MED9: variants seen among roughly 807,000 people sequenced by gnomAD.
MED9 encodes mediator complex subunit 9.
MED9 carries 8 observed loss-of-function variants against 13.2 expected under a neutral mutation model. The observed-to-expected ratio is 0.61, with a 90% CI of 0.36 to 1.10. MED9 has a LOEUF of 1.10. Among genes scored for constraint, MED9 ranks in the 50% least tolerant of loss-of-function variants. The probability of loss-of-function intolerance (pLI) is 0.02; values close to 1 mark genes in which losing one functional copy is unlikely to be tolerated. For synonymous variants in MED9, 87 were observed against 82.8 expected (o/e 1.05, Z -0.28); for missense variants, 180 against 193.4 (o/e 0.93, Z 0.41).
At chr17:17,487,172 G>C (rs1193405001) in intron 1 of MED9, 2 of 152,186 alleles carry the variant, frequency 1.3e-5, no homozygotes, top group Non-Finnish European at 2.9e-5. Context: ...GAGAACCTTT[G>C]TATCTAGCTC....
rs1904941167 is a variant in MED9, at chr17:17,477,309, TCTC to T, written c.224+48_224+50del. On this transcript the variant is annotated intron_variant, in intron 1 of 1. Transcript: ENST00000268711. ...ACCAGGCCCCATACTCCCTCCAGCTTCTCCTCTCAGCCGTTTCAGAGCTGCAAG... is the reference window on the plus strand; with the variant it reads ...ACCAGGCCCCATACTCCCTCCAGCTTCTCTCAGCCGTTTCAGAGCTGCAAG... The T allele has an allele frequency of 2.0e-6, 3 of 1,519,710 alleles. No homozygotes were observed. In the Admixed American group the frequency reaches 6.2e-5, roughly 31 times the overall value. The allele number at this position is 1,519,710 out of a possible 1,614,324, so 94.1% of individuals were successfully genotyped here.
chr17:17,492,401 C>G lies in MED9; in HGVS notation c.*906C>G, dbSNP rs757203863. The G allele has an allele frequency of 6.6e-6, 1 of 152,244 alleles. No homozygotes were observed. The highest frequency in any genetic ancestry group is 1.5e-5 in the Non-Finnish European group (1 of 68,050). The allele number at this position is 152,244 out of a possible 1,614,324, so 9.4% of individuals were successfully genotyped here. ...CTTTCCCTCGTGGCCTTTGCACTTG[C>G]GGCAGCAACGTGTACTACACTGCAG... On this transcript the variant is annotated 3_prime_UTR_variant, in exon 2 of 2. Coordinates refer to ENST00000268711, the MANE Select transcript of MED9 (RefSeq NM_018019.3).
chr17:17,491,584 G>A lies in MED9; in HGVS notation c.*89G>A. The A allele has an allele frequency of 2.4e-6, 3 of 1,251,508 alleles. No individual in the cohort carries two copies. Among genetic ancestry groups the A allele is most frequent in the South Asian group, 2.5e-5 (2 of 79,532 alleles). The allele number at this position is 1,251,508 out of a possible 1,614,324, so 77.5% of individuals were successfully genotyped here. A position where few individuals can be genotyped will look rare whatever the true frequency, so the allele number is the denominator to read the frequency against. On this transcript the variant is annotated 3_prime_UTR_variant, in exon 2 of 2. Coordinates refer to ENST00000268711, the MANE Select transcript of MED9 (RefSeq NM_018019.3). ...AAACGCTCCTTGGGGCGTGGTTCCT[G>A]TGGACCCCAGCTCAGCTCGTCAAGC...
At chr17:17,478,531 C>T (rs1041497639) in intron 1 of MED9, among the ~76,000 whole-genome samples, 1 of 152,154 alleles carries the variant, frequency 6.6e-6, no homozygotes, top group African/African-American at 2.4e-5. Context: ...TCACATTAGA[C>T]CCTGGCTTCA....
Position 17,491,573 on chromosome 17 carries a change from G to A in MED9, c.*78G>A. On this transcript the variant is annotated 3_prime_UTR_variant, in exon 2 of 2. Coordinates refer to ENST00000268711, the MANE Select transcript of MED9 (RefSeq NM_018019.3). ...CTACCATCCCCAAACGCTCCTTGGG[G>A]CGTGGTTCCTGTGGACCCCAGCTCA... 8.0e-6 allele frequency: 11 copies of A among 1,379,166 alleles called. No individual in the cohort carries two copies. Among genetic ancestry groups the A allele is most frequent in the African/African-American group, 1.4e-5 (1 of 69,994 alleles). 85.4% of individuals were successfully genotyped at this position (1,379,166 alleles called of 1,614,324 possible). A position where few individuals can be genotyped will look rare whatever the true frequency, so the allele number is the denominator to read the frequency against.
chr17:17,491,354 C>G lies in MED9; in HGVS notation c.300C>G (p.Leu100=), dbSNP rs1056248777. ...LKSKFQEMRK[L]ISTMPGIHLS... ...GCAAGTTCCAGGAGATGCGCAAGCT[C>G]ATCAGCACCATGCCCGGCATCCACC... Residue 100 remains leucine, a synonymous_variant, in exon 2 of 2, where the codon CTC becomes CTG. Coordinates refer to ENST00000268711, the MANE Select transcript of MED9 (RefSeq NM_018019.3). 2 of 1,614,046 alleles carry G rather than the reference C, an allele frequency of 1.2e-6. No homozygotes were observed. The highest frequency in any genetic ancestry group is 1.7e-5 in the Admixed American group (1 of 60,026).
Sources: gnomAD v4.1 joint callset for allele counts (sites outside exome capture counted in the v4.1 genomes callset) on GRCh38, gnomAD v4.1.1 for gene constraint, MANE v1.5 for transcripts, NCBI Gene and HGNC (gene_info 2026-07-23, HGNC 2026-07-21) for gene names.